The following CDHR2 variants were observed in gnomAD, a reference collection of about 807,000 sequenced individuals.
CDHR2 encodes cadherin related family member 2.
In CDHR2, 104 loss-of-function variants were observed where a neutral mutation model predicts 138.6. The observed-to-expected ratio is 0.75, with a 90% CI of 0.64 to 0.88. CDHR2 has a LOEUF of 0.88. Ranked by LOEUF, CDHR2 falls within the 40% of genes least tolerant of loss-of-function variation. CDHR2 has a pLI of 0.00. For missense variants in CDHR2, 1,624 were observed against 1,727.6 expected, an observed-to-expected ratio of 0.94 and a Z score of 1.06; for synonymous variants, 755 against 742.8, an observed-to-expected ratio of 1.02 and a Z score of -0.27.
At chr5:176,592,422 ATGGTGATGG>A (rs1400710618) in intron 30 of CDHR2, among the ~76,000 whole-genome samples, 9 of 76,780 alleles carry the variant, frequency 1.2e-4, no homozygotes, top group African/African-American at 2.6e-4. Context: ...TGTTGAGGTG[ATGGTGATGG>A]TGGTGATGAT....
rs773697758 is a variant in CDHR2 at position 176,589,346 on chromosome 5, G to A, written c.3025G>A (p.Asp1009Asn). The A allele has an allele frequency of 4.5e-6, 7 of 1,555,482 alleles. No individual in the cohort carries two copies. The highest frequency in any genetic ancestry group is 1.7e-4 in the Middle Eastern group (1 of 5,764). The change falls in exon 23 of 32, where the codon GAC (aspartate) becomes AAC (asparagine). Residue 1009 changes from aspartate to asparagine, a missense_variant. Around this residue, in one of 3 missense-constraint regions of CDHR2, gnomAD observed 556 missense variants for 565.7 expected, o/e 0.98. Transcript: ENST00000261944. ...AGSIQPVTSLDSTLQGTYQVT... is the reference protein window; with the variant it reads ...AGSIQPVTSLNSTLQGTYQVT... ...CTTCCGCAGGCCGGTGACCAGCCTC[G>A]ACTCCACTCTCCAAGGCACCTACCA...
chr5:176,563,938 A>G (rs1220060863), intron 1 of CDHR2, among the ~76,000 whole-genome samples: 3 of 152,194 alleles, frequency 2.0e-5, no homozygotes, highest in Non-Finnish European at 4.4e-5. Flanking sequence ...ACAGTGGCAC[A>G]CGTCTGTAAT....
In CDHR2 at chr5:176,578,521, G is replaced by A. The variant is rs1276604221; in HGVS notation, c.1731G>A (p.Leu577=). The change falls in exon 16 of 32, where the codon CTG becomes CTA. Residue 577 remains leucine (L), a synonymous_variant. Transcript: ENST00000261944. ...CCACCACACTGCAGATCCACCTGCT[G>A]GACATCAACGACAATGCACCCGTGG... is the stretch of plus-strand genomic sequence containing the variant. ...SSSTTLQIHL[L]DINDNAPVVS... The A allele has an allele frequency of 6.2e-7, 1 of 1,614,158 alleles. No homozygotes were observed. Among genetic ancestry groups the A allele is most frequent in the Non-Finnish European group, 8.5e-7 (1 of 1,180,044 alleles).
rs201705459 is a variant in CDHR2 at position 176,581,489 on chromosome 5, C to T, written c.1965C>T (p.Pro655=). ...LGPLDREAID[P]ALEGRIVLTV... ...CCCTGGACAGAGAGGCCATCGACCC[C>T]GCCCTGGAGGGCCGCATTGTGCTGA... Residue 655 remains proline (P), a synonymous_variant, in exon 17 of 32, where the codon CCC becomes CCT. Transcript: ENST00000261944. The T allele has an allele frequency of 2.8e-4, 448 of 1,614,174 alleles. 8 individuals carry two copies. The South Asian group carries it at 3.2e-3, about 11-fold the overall frequency.
intron 5 of CDHR2, among the ~76,000 whole-genome samples, chr5:176,569,472 C>T (rs1255295336): frequency 6.6e-6 from 1 of 151,726 alleles, no homozygotes; most frequent in Non-Finnish European, 1.5e-5. Flanking sequence ...TTAGTAGAGA[C>T]GGGGTTTCAC....
intron 6 of CDHR2, among the ~76,000 whole-genome samples, chr5:176,573,197 G>C (rs943425952): frequency 6.6e-6 from 1 of 152,060 alleles, no homozygotes; most frequent in Non-Finnish European, 1.5e-5. Context: ...TGAGGAGGAG[G>C]TCAGGTCAGA....
Position 176,584,404 on chromosome 5 carries a change from CCA to C in CDHR2, c.2129-3_2129-2del. The C allele has an allele frequency of 6.3e-7, 1 of 1,598,236 alleles. No individual in the cohort carries two copies. The highest frequency in any genetic ancestry group is 8.5e-7 in the Non-Finnish European group (1 of 1,170,554). On this transcript the variant is annotated splice_polypyrimidine_tract_variant and splice_region_variant and intron_variant, in intron 18 of 31. Transcript: ENST00000261944. ...AGTCCTTCTGAGCTCTGCCCCTTGT[CCA>C]CAGGAGTGCTAGTGGGCGTGGTGAA...
intron 10 of CDHR2, 69 bp downstream of exon 10, chr5:176,575,650 G>A: frequency 6.3e-7 from 1 of 1,599,980 alleles, no homozygotes; most frequent in East Asian, 2.2e-5. Context: ...AGAGTCCCTG[G>A]AGGCAATGGG....
intron 16 of CDHR2, among the ~76,000 whole-genome samples, chr5:176,581,126 A>G (rs1240652723): frequency 1.3e-5 from 2 of 152,112 alleles, no homozygotes; most frequent in Non-Finnish European, 2.9e-5. Context: ...TTGTGAGATG[A>G]AAGAATGGCC....
chr5:176,558,364 C>T (rs1474981152), intron 1 of CDHR2, among the ~76,000 whole-genome samples: 78 of 147,402 alleles, frequency 5.3e-4, no homozygotes, highest in Non-Finnish European at 1.0e-3. Flanking sequence ...TACAGGCGCC[C>T]GCCACCATGC....
chr5:176,566,851 T>C, intron 3 of CDHR2: 1 of 439,910 alleles, frequency 2.3e-6, no homozygotes, highest in South Asian at 1.6e-5. Flanking sequence ...TTCATTCTGG[T>C]TGGCCGTGTG....
chr5:176,589,682 A>G, intron 24 of CDHR2, 66 bp downstream of exon 24: 1 of 1,362,652 alleles, frequency 7.3e-7, no homozygotes, highest in East Asian at 2.3e-5. Context: ...GTCCCCGACA[A>G]AACCTGGATG....
At chr5:176,581,026 T>C (rs1758518150) in intron 16 of CDHR2, among the ~76,000 whole-genome samples, 1 of 152,176 alleles carries the variant, frequency 6.6e-6, no homozygotes, top group Non-Finnish European at 1.5e-5. Context: ...CCTGCTAGAA[T>C]ATCAGTAGCA....
Position 176,553,175 on chromosome 5 carries a change from CAT to C in CDHR2, c.-16+3762_-16+3763del, listed in dbSNP as rs1032919238. On this transcript the variant is annotated intron_variant, in intron 1 of 31. Coordinates refer to ENST00000261944, the MANE Select transcript of CDHR2 (RefSeq NM_017675.6). This position sits in a 1 kb window ranked among gnomAD's most constrained non-coding sequence, Gnocchi z 4.3. ...TTCGGGCTGTTCTCTCTCAACATCA[CAT>C]GTTTGTGGGCTCAGCATGACCTGTG... 5.3e-5 allele frequency among the ~76,000 whole-genome samples: 8 copies of C among 152,236 alleles called. No individual in the cohort carries two copies. The highest frequency in any genetic ancestry group is 3.9e-4 in the East Asian group (2 of 5,180).
intron 16 of CDHR2, among the ~76,000 whole-genome samples, chr5:176,580,180 TCA>T (rs1181401747): frequency 1.4e-5 from 2 of 145,844 alleles, no homozygotes; most frequent in African/African-American, 2.6e-5. Context: ...TCACACACAC[TCA>T]CACACGCACT....
At chr5:176,580,056 G>C (rs1293694398) in intron 16 of CDHR2, among the ~76,000 whole-genome samples, 1 of 152,034 alleles carries the variant, frequency 6.6e-6, no homozygotes, top group East Asian at 1.9e-4. Context: ...ATCCACACTG[G>C]TTCACCCCAA....
chr5:176,590,563 G>T lies in CDHR2; in HGVS notation c.3415G>T (p.Gly1139Cys). The T allele has an allele frequency of 6.2e-7, 1 of 1,613,986 alleles. No individual in the cohort carries two copies. Among genetic ancestry groups the T allele is most frequent in the Non-Finnish European group, 8.5e-7 (1 of 1,180,010 alleles). The change falls in exon 28 of 32, where the codon GGC becomes TGC. Residue 1139 changes from glycine (G) to cysteine (C), a missense_variant and splice_region_variant. Physicochemically the swap from Gly to Cys is radical, Grantham distance 159 (BLOSUM62 -3). Coordinates refer to ENST00000261944, the MANE Select transcript of CDHR2 (RefSeq NM_017675.6). Reference sequence around the variant, plus strand: ...TTCCCTCACACTCATCTTTCTCCAGGGCTCCCAGGAGAGCCAGGAGTCAGA... The same window carrying T: ...TTCCCTCACACTCATCTTTCTCCAGTGCTCCCAGGAGAGCCAGGAGTCAGA... ...QLLQLGLVVL[G>C]SQESQESDLS...
intron 17 of CDHR2, among the ~76,000 whole-genome samples, chr5:176,582,475 G>A (rs62402560): frequency 0.59 from 89,203 of 151,968 alleles, 27,395 homozygotes; most frequent in Non-Finnish European, 0.67. Flanking sequence ...GTTTATTACC[G>A]TTTTATTGAT....
In CDHR2 at chr5:176,576,912, G is replaced by T. The variant is rs1758394401; in HGVS notation, c.1195-487G>T. ...CTCTTAAGTGGAGGCTGCAGTGAGA[G>T]GTGGGTAACACGGTGGCGCTGGAGG... On this transcript the variant is annotated intron_variant, in intron 12 of 31. Coordinates refer to ENST00000261944, the MANE Select transcript of CDHR2 (RefSeq NM_017675.6). The surrounding 1 kb of genome is among the most constrained non-coding windows in gnomAD (Gnocchi z 4.5). Among the ~76,000 whole-genome samples the T allele has an allele frequency of 6.6e-6, 1 of 152,182 alleles. No individual in the cohort carries two copies. Among genetic ancestry groups the T allele is most frequent in the Non-Finnish European group, 1.5e-5 (1 of 68,030 alleles).
Sources: allele counts gnomAD v4.1 joint callset (sites outside exome capture counted in the v4.1 genomes callset), GRCh38; gene constraint gnomAD v4.1.1; regional missense constraint gnomAD v4.1.1; non-coding constraint Gnocchi (gnomAD v3.1); transcripts MANE v1.5; gene names NCBI Gene and HGNC (gene_info 2026-07-23, HGNC 2026-07-21).